Variants in TBCK observed in about 807,000 individuals in gnomAD.
TBCK encodes TBC domain-containing protein kinase-like protein.
TBCK carries 99 observed loss-of-function variants against 113.4 expected under a neutral mutation model. The observed-to-expected ratio is 0.87, with a 90% CI of 0.74 to 1.03. The LOEUF (loss-of-function observed/expected upper bound fraction) is 1.03, where lower values mean the gene tolerates loss of function less well. TBCK is among the 50% of genes least tolerant of loss of function. The pLI, the probability that TBCK is intolerant of heterozygous loss-of-function variation, is 0.00. For synonymous variants in TBCK, 369 were observed against 370.8 expected, an observed-to-expected ratio of 1.00 and a Z score of 0.05; for missense variants, 1,045 against 1,061.3, an observed-to-expected ratio of 0.98 and a Z score of 0.21.
intron 19 of TBCK, 134 bp from the exon 20 acceptor site, chr4:106,212,969 TTTG>T: frequency 3.3e-6 from 2 of 605,264 alleles, no homozygotes; most frequent in Non-Finnish European, 5.7e-6. Flanking sequence ...ATAATTTTGT[TTTG>T]TTACTATTTT....
intron 2 of TBCK, among the ~76,000 whole-genome samples, chr4:106,295,891 T>A (rs1461811146): frequency 1.3e-5 from 2 of 152,154 alleles, no homozygotes; most frequent in African/African-American, 4.8e-5. Flanking sequence ...GGTTCATCTA[T>A]GAGTTTTTTC....
chr4:106,248,216 T>C, intron 9 of TBCK, 29 bp downstream of exon 9: 2 of 1,503,830 alleles, frequency 1.3e-6, no homozygotes, highest in Non-Finnish European at 1.8e-6. Flanking sequence ...AGGATCTCAA[T>C]GTAATCCCAA....
intron 25 of TBCK, among the ~76,000 whole-genome samples, chr4:106,079,770 G>T (rs1738642058): frequency 6.6e-6 from 1 of 152,144 alleles, no homozygotes; most frequent in South Asian, 2.1e-4. Flanking sequence ...AAGAAAAAAA[G>T]TTTCATTGGC....
At chr4:106,250,396 T>G (rs1467340360) in intron 7 of TBCK, 22 bp downstream of exon 7, 2 of 1,456,884 alleles carry the variant, frequency 1.4e-6, no homozygotes, top group African/African-American at 2.8e-5. Context: ...ATTTGAAAGA[T>G]AAGCAATTGT....
chr4:106,271,665 T>C (rs533118080), intron 3 of TBCK, among the ~76,000 whole-genome samples: 2 of 151,670 alleles, frequency 1.3e-5, no homozygotes, highest in East Asian at 3.9e-4. Context: ...GGCAGGAGAA[T>C]TGCTTGAACC....
intron 3 of TBCK, among the ~76,000 whole-genome samples, chr4:106,293,595 G>C (rs559958795): frequency 6.6e-6 from 1 of 152,206 alleles, no homozygotes; most frequent in Admixed American, 6.5e-5. Flanking sequence ...AAAAAGTTTG[G>C]GGACTGCTGG....
intron 4 of TBCK, 116 bp downstream of exon 4, chr4:106,261,982 T>C (rs570592233): frequency 2.2e-6 from 1 of 463,640 alleles, no homozygotes; most frequent in African/African-American, 2.0e-5. Flanking sequence ...CTTTTCATTA[T>C]GAATATTCTT....
intron 25 of TBCK, among the ~76,000 whole-genome samples, chr4:106,054,944 A>G (rs1329430754): frequency 1.3e-5 from 2 of 151,746 alleles, no homozygotes; most frequent in African/African-American, 4.8e-5. Flanking sequence ...TAGGTAAAAG[A>G]CATCTACACA....
chr4:106,098,173 G>A (rs1741151436), intron 24 of TBCK, among the ~76,000 whole-genome samples: 1 of 151,954 alleles, frequency 6.6e-6, no homozygotes, highest in South Asian at 2.1e-4. Context: ...ATAAAAATCT[G>A]AATCCTCTAC....
At chr4:106,072,614 CTG>C (rs1318755051) in intron 25 of TBCK, among the ~76,000 whole-genome samples, 1 of 152,126 alleles carries the variant, frequency 6.6e-6, no homozygotes, top group African/African-American at 2.4e-5. Flanking sequence ...GTAGTGTTCT[CTG>C]TATCTTCTGA....
At chr4:106,174,732 T>C (rs1751439959) in intron 22 of TBCK, among the ~76,000 whole-genome samples, 1 of 152,180 alleles carries the variant, frequency 6.6e-6, no homozygotes, top group Non-Finnish European at 1.5e-5. Context: ...ATTTTGTTCT[T>C]ACTTTCCACG....
chr4:106,120,726 G>A (rs1211843306), intron 23 of TBCK, among the ~76,000 whole-genome samples: 1 of 152,184 alleles, frequency 6.6e-6, no homozygotes, highest in Non-Finnish European at 1.5e-5. Context: ...CACACGGCAG[G>A]GTATTCTAAC....
At chr4:106,218,912 C>T (rs1560845718) in intron 19 of TBCK, among the ~76,000 whole-genome samples, 1 of 151,356 alleles carries the variant, frequency 6.6e-6, no homozygotes, top group African/African-American at 2.4e-5. Context: ...TATAAAGACA[C>T]ATGCACACAT....
At chr4:106,094,524 A>G (rs1259341261) in intron 25 of TBCK, among the ~76,000 whole-genome samples, 2 of 152,214 alleles carry the variant, frequency 1.3e-5, no homozygotes, top group Non-Finnish European at 2.9e-5. Flanking sequence ...ATAAAGTTTT[A>G]AAGTTCTAAT....
chr4:106,213,922 GACAA>G (rs964165563), intron 19 of TBCK, among the ~76,000 whole-genome samples: 4 of 152,154 alleles, frequency 2.6e-5, no homozygotes, highest in Admixed American at 2.0e-4. Flanking sequence ...GCAGGGCACA[GACAA>G]ACAAAAAGAC....
At chr4:106,211,549 G>A (rs1325611650) in intron 20 of TBCK, among the ~76,000 whole-genome samples, 10 of 151,920 alleles carry the variant, frequency 6.6e-5, no homozygotes, top group African/African-American at 1.9e-4. Flanking sequence ...AACACCACTC[G>A]AATTCTGTGT....
intron 24 of TBCK, among the ~76,000 whole-genome samples, chr4:106,110,358 A>C (rs1216947279): frequency 6.6e-6 from 1 of 152,166 alleles, no homozygotes; most frequent in African/African-American, 2.4e-5. Flanking sequence ...ACCCTCAAAA[A>C]TGAAGGTGAA....
chr4:106,198,885 G>C (rs1754561679), intron 20 of TBCK, among the ~76,000 whole-genome samples: 1 of 152,080 alleles, frequency 6.6e-6, no homozygotes, highest in Non-Finnish European at 1.5e-5. Flanking sequence ...TCTGGTATAA[G>C]GTAATGGCAG....
chr4:106,132,702 G>C (rs545940533), intron 23 of TBCK, among the ~76,000 whole-genome samples: 1 of 152,336 alleles, frequency 6.6e-6, no homozygotes, highest in South Asian at 2.1e-4. Context: ...GAGTGGGGCT[G>C]TACCCTACAA....
Sources: gnomAD v4.1 joint callset for allele counts (sites outside exome capture counted in the v4.1 genomes callset) on GRCh38, gnomAD v4.1.1 for gene constraint, MANE v1.5 for transcripts, NCBI Gene and HGNC (gene_info 2026-07-23, HGNC 2026-07-21) for gene names.